The following MEGF6 variants were observed in gnomAD, a reference collection of about 807,000 sequenced individuals.
MEGF6 encodes multiple epidermal growth factor-like domains protein 6.
In MEGF6, 184 loss-of-function variants were observed where a neutral mutation model predicts 207.1. The observed-to-expected ratio is 0.89, with a 90% CI of 0.79 to 1.00. The LOEUF (loss-of-function observed/expected upper bound fraction) is 1.00, where lower values mean the gene tolerates loss of function less well. MEGF6 is among the 50% of genes least tolerant of loss of function. The pLI is 0.00. For synonymous variants in MEGF6, 1,038 were observed against 910.0 expected (o/e 1.14, Z -2.53); for missense variants, 2,282 against 2,202.9 (o/e 1.04, Z -0.72).
At chr1:3,599,898 T>G (rs2101870220) in intron 2 of MEGF6, among the ~76,000 whole-genome samples, 1 of 152,304 alleles carries the variant, frequency 6.6e-6, no homozygotes, top group South Asian at 2.1e-4. Context: ...GGTTAGGCTC[T>G]GACAGGCACG....
At chr1:3,601,315 G>C (rs901377278) in intron 2 of MEGF6, among the ~76,000 whole-genome samples, 1 of 152,278 alleles carries the variant, frequency 6.6e-6, no homozygotes, top group East Asian at 1.9e-4. Flanking sequence ...AATTCCCGCA[G>C]GGAAATCCAC....
intron 4 of MEGF6, among the ~76,000 whole-genome samples, chr1:3,524,765 G>A (rs1641897594): frequency 6.6e-6 from 1 of 152,194 alleles, no homozygotes; most frequent in Non-Finnish European, 1.5e-5. Context: ...GGCCTTGTCT[G>A]GAAACAGGGT....
In MEGF6 at chr1:3,556,909, C is replaced by G. The variant is rs149236817; in HGVS notation, c.481+22916G>C. On this transcript the variant is annotated intron_variant, in intron 4 of 36. Coordinates refer to ENST00000356575, the MANE Select transcript of MEGF6 (RefSeq NM_001409.4). The surrounding 1 kb of genome is among the most constrained non-coding windows in gnomAD (Gnocchi z 4.4). ...GGGCTGTGGAAAGAACGAAGGCAGC[C>G]CCTCAGCCGACCTGACCTAGGAAGC... Among the ~76,000 whole-genome samples, 336 of 152,300 alleles carry G rather than the reference C, an allele frequency of 2.2e-3. No homozygotes were observed. Among genetic ancestry groups the G allele is most frequent in the Middle Eastern group, 0.01 (3 of 294 alleles).
rs1461661088 is a variant in MEGF6 at position 3,573,498 on chromosome 1, G to A, written c.481+6327C>T. 2.6e-5 allele frequency among the ~76,000 whole-genome samples: 4 copies of A among 152,228 alleles called. No homozygotes were observed. Among genetic ancestry groups the A allele is most frequent in the Non-Finnish European group, 1.5e-5 (1 of 68,032 alleles). On this transcript the variant is annotated intron_variant, in intron 4 of 36. Transcript: ENST00000356575. The surrounding 1 kb of genome is among the most constrained non-coding windows in gnomAD (Gnocchi z 5.1). ...CCCGAGGCCACGTCCACAGGACAAA[G>A]CTGAGATGCCTCCCCAGGAATCAGC...
intron 4 of MEGF6, among the ~76,000 whole-genome samples, chr1:3,559,350 T>C (rs973573072): frequency 3.6e-4 from 54 of 152,076 alleles, no homozygotes; most frequent in African/African-American, 1.2e-3. Context: ...AACCTCGACA[T>C]TTGACCATTC....
chr1:3,512,101 G>A lies in MEGF6; in HGVS notation c.881C>T (p.Ala294Val), dbSNP rs758747705. ...GTTGAGGCAGCCATGGGCACACTGG[G>A]CCAGCCCTGCGGCACATTCGTCCAC... ...EDVDECAAGL[A>V]QCAHGCLNTQ... is the part of the protein sequence containing the mutation. The change falls in exon 8 of 37, where the codon GCC becomes GTC. Residue 294 changes from alanine (A) to valine (V), a missense_variant. Ala to Val is a moderately conservative substitution (Grantham distance 64, BLOSUM62 0). Coordinates refer to ENST00000356575, the MANE Select transcript of MEGF6 (RefSeq NM_001409.4). 5 of 1,610,398 alleles carry A rather than the reference G, an allele frequency of 3.1e-6. No individual in the cohort carries two copies. The highest frequency in any genetic ancestry group is 2.7e-5 in the African/African-American group (2 of 74,892).
chr1:3,598,446 C>T (rs1463044438), intron 2 of MEGF6, among the ~76,000 whole-genome samples: 2 of 152,232 alleles, frequency 1.3e-5, no homozygotes, highest in Non-Finnish European at 1.5e-5. Flanking sequence ...CCGACCACCA[C>T]GGCGAACAAT....
the MEGF6 span, among the ~76,000 whole-genome samples, chr1:3,623,815 C>A: frequency 6.6e-6 from 1 of 152,156 alleles, no homozygotes; most frequent in African/African-American, 2.4e-5. Flanking sequence ...TTTGGCCTCC[C>A]TTTTCTCTCT....
intron 5 of MEGF6, among the ~76,000 whole-genome samples, chr1:3,518,579 C>T (rs944785779): frequency 7.2e-5 from 11 of 152,248 alleles, no homozygotes; most frequent in African/African-American, 1.2e-4. Context: ...TGCGCCGAGG[C>T]AGGGGCTGGA....
upstream of MEGF6, among the ~76,000 whole-genome samples, chr1:3,613,130 G>T (rs1644349540): frequency 6.6e-6 from 1 of 152,198 alleles, no homozygotes; most frequent in African/African-American, 2.4e-5. Flanking sequence ...GCTACCAGTT[G>T]GTGCCCCCGT....
At chr1:3,491,644 A>G (rs530813299) in intron 35 of MEGF6, among the ~76,000 whole-genome samples, 80 of 152,182 alleles carry the variant, frequency 5.3e-4, no homozygotes, top group Non-Finnish European at 9.1e-4. Context: ...CAAAAAGCAG[A>G]GCCTGCAGCC....
chr1:3,616,732 A>G, the MEGF6 span, among the ~76,000 whole-genome samples: 3 of 152,220 alleles, frequency 2.0e-5, no homozygotes, highest in Non-Finnish European at 2.9e-5. Flanking sequence ...AGAGAAAGTA[A>G]AGTGAAAAGA....
chr1:3,596,716 TGCCCAGCCCCC>T (rs1399648365), intron 2 of MEGF6, among the ~76,000 whole-genome samples: 2 of 110,756 alleles, frequency 1.8e-5, no homozygotes, highest in African/African-American at 6.7e-5. Flanking sequence ...CGCCATCCCC[TGCCCAGCCCCC>T]GTCTCCACCC....
At chr1:3,591,126 C>T (rs1643969520) in intron 3 of MEGF6, among the ~76,000 whole-genome samples, 1 of 152,146 alleles carries the variant, frequency 6.6e-6, no homozygotes, top group African/African-American at 2.4e-5. Flanking sequence ...CAACACAAGC[C>T]CCCGACCCCA....
chr1:3,516,703 G>A (rs182531719), intron 5 of MEGF6, among the ~76,000 whole-genome samples: 295 of 152,308 alleles, frequency 1.9e-3, no homozygotes, highest in African/African-American at 6.8e-3. Context: ...CTGGAGCAGC[G>A]GTGTTGCCTC....
chr1:3,495,882 A>T lies in MEGF6; in HGVS notation c.3871+8T>A, dbSNP rs1216537312. The T allele has an allele frequency of 1.9e-6, 3 of 1,598,092 alleles. No individual in the cohort carries two copies. Among genetic ancestry groups the T allele is most frequent in the Non-Finnish European group, 2.5e-6 (3 of 1,179,178 alleles). On this transcript the variant is annotated splice_region_variant and intron_variant, in intron 30 of 36. Transcript: ENST00000356575. ...CCTGTGAGCATGCCCTCTGGAGTGA[A>T]CACTCACCTCGCTCACAGCGGACGC... is the stretch of plus-strand genomic sequence containing the variant.
rs377696377 is a variant in MEGF6 at position 3,498,508 on chromosome 1, G to A, written c.3224-9C>T. ...GTCCCGGGGGAGGCACTCTACAGGA[G>A]CAGAGGCAGGCACGAGGGTGAGGGT... On this transcript the variant is annotated splice_polypyrimidine_tract_variant and intron_variant, in intron 25 of 36. Transcript: ENST00000356575. The A allele has an allele frequency of 2.2e-5, 35 of 1,562,806 alleles. No homozygotes were observed. Among genetic ancestry groups the A allele is most frequent in the Non-Finnish European group, 2.6e-5 (30 of 1,154,490 alleles).
chr1:3,546,231 CCAG>C (rs1260478331), intron 4 of MEGF6, among the ~76,000 whole-genome samples: 2 of 152,242 alleles, frequency 1.3e-5, no homozygotes, highest in Admixed American at 6.5e-5. Flanking sequence ...CTCATCTCTC[CCAG>C]TGGGTTTTCC....
At chr1:3,623,456 T>C in the MEGF6 span, 1 of 152,260 alleles carries the variant, frequency 6.6e-6, no homozygotes, top group African/African-American at 2.4e-5. Flanking sequence ...CTGGCAGGTC[T>C]TGCTGGGCGT....
Sources: gnomAD v4.1 joint callset for allele counts (sites outside exome capture counted in the v4.1 genomes callset) on GRCh38, gnomAD v4.1.1 for gene constraint, Gnocchi (gnomAD v3.1) non-coding constraint, MANE v1.5 for transcripts, NCBI Gene and HGNC (gene_info 2026-07-23, HGNC 2026-07-21) for gene names.